Variants in DSG2 observed in about 807,000 individuals in gnomAD.
DSG2 encodes the protein desmoglein-2.
In DSG2, 45 loss-of-function variants were observed where a neutral mutation model predicts 75.6. The observed-to-expected ratio is 0.60, with a 90% CI of 0.47 to 0.76. DSG2 has a LOEUF of 0.76. DSG2 is among the 30% of genes least tolerant of loss of function. The pLI is 0.00. For missense variants in DSG2, 1,267 were observed against 1,357.4 expected (o/e 0.93, Z 1.05); for synonymous variants, 429 against 483.9 (o/e 0.89, Z 1.49).
At chr18:31,527,464 TA>T (rs573655086) in intron 8 of DSG2, among the ~76,000 whole-genome samples, 1 of 152,052 alleles carries the variant, frequency 6.6e-6, no homozygotes, top group African/African-American at 2.4e-5. Context: ...GGGATGTGGA[TA>T]AAAAAACAAT....
At chr18:31,513,911 G>A (rs1282566732) in intron 1 of DSG2, among the ~76,000 whole-genome samples, 6 of 152,214 alleles carry the variant, frequency 3.9e-5, no homozygotes, top group East Asian at 3.9e-4. Context: ...TGATCTAATC[G>A]TGAGAAAAAC....
Position 31,546,375 on chromosome 18 carries a change from G to C in DSG2, c.2989G>C (p.Gly997Arg), listed in dbSNP as rs1203880394. Reference sequence around the variant, plus strand: ...TGAAAGAGTAATACAGCCTCATGGGGGTGGATCGAATCCTCTGGAAGGCAC... The same window carrying C: ...TGAAAGAGTAATACAGCCTCATGGGCGTGGATCGAATCCTCTGGAAGGCAC... ...VTERVIQPHGGGSNPLEGTQH... is the reference protein window; with the variant it reads ...VTERVIQPHGRGSNPLEGTQH... Residue 997 changes from glycine (G) to arginine (R), a missense_variant, in exon 15 of 15, where the codon GGT becomes CGT. Coordinates refer to ENST00000261590, the MANE Select transcript of DSG2 (RefSeq NM_001943.5). 6.2e-7 allele frequency: 1 copy of C among 1,614,046 alleles called. No homozygotes were observed. Among genetic ancestry groups the C allele is most frequent in the Admixed American group, 1.7e-5 (1 of 60,008 alleles).
In DSG2 at chr18:31,542,494, G is replaced by T. The variant is rs767576255; in HGVS notation, c.2002-26G>T. 3 of 1,612,472 alleles carry T rather than the reference G, an allele frequency of 1.9e-6. No individual in the cohort carries two copies. In the South Asian group the frequency reaches 3.3e-5, roughly 18 times the overall value. ...GGATTCCCTCCATCCTCCTGACTCA[G>T]TTCTCAGCTGTGTTTGCTCTCACAG... On this transcript the variant is annotated intron_variant, in intron 13 of 14. Transcript: ENST00000261590.
chr18:31,541,090 A>T lies in DSG2; in HGVS notation c.1880-103A>T, dbSNP rs1367851004. ...GAAAAATAGAGCTGTAAATAAGTGAAGACAAGTCCAGGAAGGGACATGCAA... is the reference window on the plus strand; with the variant it reads ...GAAAAATAGAGCTGTAAATAAGTGATGACAAGTCCAGGAAGGGACATGCAA... On this transcript the variant is annotated intron_variant, in intron 12 of 14. Coordinates refer to ENST00000261590, the MANE Select transcript of DSG2 (RefSeq NM_001943.5). 2.1e-6 allele frequency: 3 copies of T among 1,434,740 alleles called. No individual in the cohort carries two copies. In the African/African-American group the frequency reaches 4.2e-5, roughly 20 times the overall value. 88.9% of individuals were successfully genotyped at this position (1,434,740 alleles called of 1,614,324 possible).
chr18:31,526,326 C>G (rs2073162850), intron 8 of DSG2, among the ~76,000 whole-genome samples: 1 of 152,020 alleles, frequency 6.6e-6, no homozygotes, highest in African/African-American at 2.4e-5. Flanking sequence ...ATATAACAGA[C>G]TGGGTAAAAC....
Position 31,522,193 on chromosome 18 carries a change from T to C in DSG2, c.634T>C (p.Tyr212His). 6.2e-7 allele frequency: 1 copy of C among 1,613,938 alleles called. No individual in the cohort carries two copies. Among genetic ancestry groups the C allele is most frequent in the Non-Finnish European group, 8.5e-7 (1 of 1,179,862 alleles). ...GGAGCCTGCTTATCCTCCAGTGTTC[T>C]ACCTAAATAAAGATACAGGAGAGAT... ...SLEPAYPPVF[Y>H]LNKDTGEIYT... is the part of the protein sequence containing the mutation. Residue 212 changes from tyrosine to histidine, a missense_variant, in exon 6 of 15, where the codon TAC becomes CAC. Tyr to His is a moderately conservative substitution (Grantham distance 83). Coordinates refer to ENST00000261590, the MANE Select transcript of DSG2 (RefSeq NM_001943.5).
intron 6 of DSG2, chr18:31,522,706 T>C (rs947337616): frequency 3.2e-5 from 5 of 158,332 alleles, no homozygotes; most frequent in African/African-American, 1.2e-4. Flanking sequence ...AGGGTTCTGT[T>C]TACTAGAGGT....
At position 31,531,086 on chromosome 18, in the gene DSG2, C is replaced by T; in HGVS notation, c.1114C>T (p.Pro372Ser). The T allele has an allele frequency of 1.2e-6, 2 of 1,614,076 alleles. No individual in the cohort carries two copies. The highest frequency in any genetic ancestry group is 1.7e-6 in the Non-Finnish European group (2 of 1,179,996). ...KSIRSKYKPT[P>S]IPIKVKVKNV... ...GATTAGGAGTAAATACAAGCCTACA[C>T]CCATTCCCATCAAGGTCAAAGTGAA... Residue 372 changes from proline to serine, a missense_variant, in exon 9 of 15, where the codon CCC (proline) becomes TCC (serine). Coordinates refer to ENST00000261590, the MANE Select transcript of DSG2 (RefSeq NM_001943.5).
At chr18:31,526,487 G>T (rs541378236) in intron 8 of DSG2, among the ~76,000 whole-genome samples, 1 of 152,300 alleles carries the variant, frequency 6.6e-6, no homozygotes, top group African/African-American at 2.4e-5. Flanking sequence ...AAATTGAGTA[G>T]CATTACCTCA....
rs569953771 is a variant in DSG2, at chr18:31,538,585, G to A, written c.1652-166G>A. ...TTGCTATTTAAACTGCATATTCAGG[G>A]CCTATAGACAAATTTTAATGAGCAC... On this transcript the variant is annotated intron_variant, in intron 11 of 14. Transcript: ENST00000261590. Among the ~76,000 whole-genome samples the A allele has an allele frequency of 6.6e-4, 101 of 152,284 alleles. 2 individuals carry two copies. The South Asian group carries it at 0.019, about 29-fold the overall frequency.
chr18:31,513,102 G>T (rs2073075700), intron 1 of DSG2, among the ~76,000 whole-genome samples: 1 of 152,162 alleles, frequency 6.6e-6, no homozygotes, highest in African/African-American at 2.4e-5. Context: ...TCCTAGTTAG[G>T]TGGCTTTCAG....
At chr18:31,523,310 A>T (rs1348155541) in intron 6 of DSG2, among the ~76,000 whole-genome samples, 1 of 152,118 alleles carries the variant, frequency 6.6e-6, no homozygotes, top group Non-Finnish European at 1.5e-5. Flanking sequence ...CTGAGGCAGG[A>T]GAATGGTGTG....
At position 31,538,983 on chromosome 18, in the gene DSG2, G is replaced by C; in HGVS notation, c.1879+5G>C. On this transcript the variant is annotated splice_donor_5th_base_variant and intron_variant, in intron 12 of 14. Transcript: ENST00000261590. ...TGGCCTTTCTGCTCCTGCTATGTAA[G>C]TCTTTAAAAGCCACTCTGTTGTGCT... 1 of 1,612,450 alleles carries C rather than the reference G, an allele frequency of 6.2e-7. No homozygotes were observed. The highest frequency in any genetic ancestry group is 8.5e-7 in the Non-Finnish European group (1 of 1,179,910).
intron 9 of DSG2, among the ~76,000 whole-genome samples, chr18:31,532,492 A>G (rs2073204501): frequency 6.6e-6 from 1 of 152,204 alleles, no homozygotes; most frequent in Non-Finnish European, 1.5e-5. Flanking sequence ...CATTGTATTT[A>G]AGTGCATCGC....
chr18:31,510,304 C>G (rs1252687528), intron 1 of DSG2, among the ~76,000 whole-genome samples: 2 of 152,194 alleles, frequency 1.3e-5, no homozygotes, highest in Non-Finnish European at 2.9e-5. Flanking sequence ...TTCTCTACAT[C>G]CATTTTTAAT....
In DSG2 at chr18:31,509,389, G is replaced by C. The variant is rs190984885; in HGVS notation, c.46-8850G>C. On this transcript the variant is annotated intron_variant, in intron 1 of 14. Coordinates refer to ENST00000261590, the MANE Select transcript of DSG2 (RefSeq NM_001943.5). Reference sequence around the variant, plus strand: ...CTTAAAATATTTATTATTATCTAAAGTTCAAATTCAGAGTTCAAAAATTAA... The same window carrying C: ...CTTAAAATATTTATTATTATCTAAACTTCAAATTCAGAGTTCAAAAATTAA... 8.6e-4 allele frequency among the ~76,000 whole-genome samples: 130 copies of C among 151,374 alleles called. 4 individuals are homozygous for C. In the East Asian group the frequency reaches 0.011, roughly 13 times the overall value.
chr18:31,517,786 C>G (rs942241299), intron 1 of DSG2, among the ~76,000 whole-genome samples: 1 of 151,512 alleles, frequency 6.6e-6, no homozygotes, highest in Non-Finnish European at 1.5e-5. Flanking sequence ...ATGGGCTGTC[C>G]GTGTGTGTGT....
At chr18:31,513,402 AGGGTCTC>A (rs2073077319) in intron 1 of DSG2, among the ~76,000 whole-genome samples, 1 of 152,160 alleles carries the variant, frequency 6.6e-6, no homozygotes, top group Non-Finnish European at 1.5e-5. Context: ...AATCTTTTGT[AGGGTCTC>A]CTGATACCTC....
intron 1 of DSG2, among the ~76,000 whole-genome samples, chr18:31,512,759 G>A (rs2073074121): frequency 6.6e-6 from 1 of 152,166 alleles, no homozygotes; most frequent in African/African-American, 2.4e-5. Context: ...AGCCCCTTCT[G>A]AGAGTTTTCC....
Sources: allele counts gnomAD v4.1 joint callset (sites outside exome capture counted in the v4.1 genomes callset), GRCh38; gene constraint gnomAD v4.1.1; transcripts MANE v1.5; gene names NCBI Gene and HGNC (gene_info 2026-07-23, HGNC 2026-07-21).